Variants in MAST4 observed in about 807,000 individuals in gnomAD.
MAST4 encodes the protein microtubule associated serine/threonine kinase family member 4, also known as microtubule-associated serine/threonine-protein kinase 4.
In MAST4, 89 loss-of-function variants were observed where a neutral mutation model predicts 162.7. That is an observed-to-expected ratio of 0.55 (90% confidence interval 0.46 to 0.65). MAST4 has a LOEUF of 0.65. Ranked by LOEUF, MAST4 falls within the 30% of genes least tolerant of loss-of-function variation. The pLI is 0.00. For synonymous variants in MAST4, 1,479 were observed against 1,361.1 expected, an observed-to-expected ratio of 1.09 and a Z score of -1.91; for missense variants, 3,153 against 3,374.0, an observed-to-expected ratio of 0.93 and a Z score of 1.62.
intron 2 of MAST4, 94 bp from the exon 3 acceptor site, chr5:66,788,576 T>C: frequency 7.3e-7 from 1 of 1,373,270 alleles, no homozygotes; most frequent in Non-Finnish European, 1.0e-6. Context: ...AGAACAAGGT[T>C]GGCCAGGAAG....
chr5:66,691,909 C>T (rs1046876498), intron 1 of MAST4, among the ~76,000 whole-genome samples: 40 of 151,958 alleles, frequency 2.6e-4, no homozygotes, highest in African/African-American at 9.0e-4. Context: ...GTGTCCTAGG[C>T]TAAGAGTTTA....
chr5:67,117,556 T>C (rs1193755109), intron 12 of MAST4, among the ~76,000 whole-genome samples: 3 of 151,824 alleles, frequency 2.0e-5, no homozygotes, highest in Non-Finnish European at 4.4e-5. Flanking sequence ...TTTTTAAAAT[T>C]GAAAATTTTA....
Position 67,164,567 on chromosome 5 carries a change from A to G in MAST4, c.5388A>G (p.Ser1796=), listed in dbSNP as rs770923976. The change falls in exon 29 of 29, where the codon TCA becomes TCG. Residue 1796 remains serine, a synonymous_variant. Coordinates refer to ENST00000403625, the MANE Select transcript of MAST4 (RefSeq NM_001164664.2). The surrounding 1 kb of genome is among the most constrained non-coding windows in gnomAD (Gnocchi z 5.3). ...SEYKLEGRSV[S]CLKPIEGTLD... is the part of the protein sequence containing the mutation. ...ATAAGCTGGAAGGTAGGTCTGTCTC[A>G]TGCCTGAAGCCGATCGAGGGCACTC... 11 of 1,613,704 alleles carry G rather than the reference A, an allele frequency of 6.8e-6. No individual in the cohort carries two copies. The highest frequency in any genetic ancestry group is 1.1e-5 in the South Asian group (1 of 91,084).
chr5:66,995,786 G>A (rs1172128213), intron 4 of MAST4, among the ~76,000 whole-genome samples: 3 of 151,952 alleles, frequency 2.0e-5, no homozygotes, highest in Admixed American at 6.6e-5. Flanking sequence ...TGAGACAGGA[G>A]GATCACATGA....
intron 4 of MAST4, among the ~76,000 whole-genome samples, chr5:66,933,883 G>A (rs1214829196): frequency 6.6e-6 from 1 of 151,826 alleles, no homozygotes; most frequent in Non-Finnish European, 1.5e-5. Context: ...TTTGAGATGA[G>A]GTCTTGCTGT....
chr5:67,116,016 A>G (rs1457406739), intron 12 of MAST4, among the ~76,000 whole-genome samples: 1 of 152,152 alleles, frequency 6.6e-6, no homozygotes, highest in Non-Finnish European at 1.5e-5. Context: ...TTACCTGGCA[A>G]TCACTGTAGG....
intron 23 of MAST4, among the ~76,000 whole-genome samples, chr5:67,147,719 A>T (rs1288340515): frequency 6.6e-6 from 1 of 152,226 alleles, no homozygotes; most frequent in African/African-American, 2.4e-5. Context: ...GTTTTGTGAG[A>T]TGAGATTTAT....
chr5:66,640,319 T>A (rs1026575378), intron 1 of MAST4, among the ~76,000 whole-genome samples: 1 of 151,720 alleles, frequency 6.6e-6, no homozygotes, highest in African/African-American at 2.4e-5. Context: ...CTTTTTTTTT[T>A]TTTTTTGAGA....
At chr5:66,828,130 T>C (rs901244148) in intron 3 of MAST4, among the ~76,000 whole-genome samples, 6 of 152,144 alleles carry the variant, frequency 3.9e-5, no homozygotes, top group African/African-American at 1.4e-4. Flanking sequence ...TAAGTTATTA[T>C]CATGAGGGAA....
chr5:67,136,915 A>T (rs1023449378), intron 19 of MAST4, among the ~76,000 whole-genome samples: 1 of 152,256 alleles, frequency 6.6e-6, no homozygotes, highest in Non-Finnish European at 1.5e-5. Flanking sequence ...AGCAGAAATT[A>T]TGCTTAATTT....
chr5:67,011,954 A>T (rs576504525), intron 4 of MAST4, among the ~76,000 whole-genome samples: 1 of 152,284 alleles, frequency 6.6e-6, no homozygotes, highest in South Asian at 2.1e-4. Flanking sequence ...CATAAGAATT[A>T]TGGAGCATAT....
chr5:66,693,226 G>C (rs1202582311), intron 1 of MAST4, among the ~76,000 whole-genome samples: 1 of 152,130 alleles, frequency 6.6e-6, no homozygotes, highest in Non-Finnish European at 1.5e-5. Context: ...TTAAAGATCA[G>C]TGTTGTAATC....
At position 67,152,853 on chromosome 5, in the gene MAST4, A is replaced by G. The variant is rs1331391033; in HGVS notation, c.3512A>G (p.His1171Arg). Residue 1171 changes from histidine (H) to arginine (R), a missense_variant, in exon 25 of 29, where the codon CAC becomes CGC. Coordinates refer to ENST00000403625, the MANE Select transcript of MAST4 (RefSeq NM_001164664.2). ...GGAGACAGTGACATCTATACAGTGC[A>G]CCATATCGTCTGGGTAAGACCTGCA... Reference protein sequence around the residue: ...YVGDSDIYTVHHIVWNVEEGS... With the variant: ...YVGDSDIYTVRHIVWNVEEGS... 3 of 1,613,644 alleles carry G rather than the reference A, an allele frequency of 1.9e-6. No individual in the cohort carries two copies. The East Asian group carries it at 6.7e-5, about 36-fold the overall frequency.
intron 4 of MAST4, among the ~76,000 whole-genome samples, chr5:67,001,221 G>A (rs1178637596): frequency 6.6e-6 from 1 of 152,122 alleles, no homozygotes; most frequent in Non-Finnish European, 1.5e-5. Flanking sequence ...TTTAATTCTT[G>A]TGTTTACCGA....
At chr5:66,631,918 T>C (rs1744818682) in intron 1 of MAST4, among the ~76,000 whole-genome samples, 1 of 152,180 alleles carries the variant, frequency 6.6e-6, no homozygotes, top group Admixed American at 6.5e-5. Flanking sequence ...AGAGCTGGGA[T>C]TTGAACTGAA....
intron 1 of MAST4, among the ~76,000 whole-genome samples, chr5:66,678,009 CT>C (rs1351569094): frequency 6.6e-6 from 1 of 152,128 alleles, no homozygotes; most frequent in South Asian, 2.1e-4. Context: ...GTTTGAGAAT[CT>C]TCTTCTATAG....
intron 1 of MAST4, among the ~76,000 whole-genome samples, chr5:66,609,943 G>T (rs1192832953): frequency 6.6e-6 from 1 of 152,000 alleles, no homozygotes; most frequent in African/African-American, 2.4e-5. Context: ...CCACACATTA[G>T]GTGACCTAAG....
chr5:67,098,949 C>T (rs1764732052), intron 7 of MAST4, among the ~76,000 whole-genome samples: 1 of 152,088 alleles, frequency 6.6e-6, no homozygotes. Context: ...ATATTTTAAA[C>T]AGCTTCCCAT....
intron 11 of MAST4, among the ~76,000 whole-genome samples, chr5:67,110,528 T>C (rs1256829262): frequency 6.6e-6 from 1 of 152,220 alleles, no homozygotes; most frequent in African/African-American, 2.4e-5. Context: ...TACCACACTT[T>C]TTTGGAATTG....
Sources: gnomAD v4.1 joint callset for allele counts (sites outside exome capture counted in the v4.1 genomes callset) on GRCh38, gnomAD v4.1.1 for gene constraint, Gnocchi (gnomAD v3.1) non-coding constraint, MANE v1.5 for transcripts, NCBI Gene and HGNC (gene_info 2026-07-23, HGNC 2026-07-21) for gene names.